The following GBE1 variants were observed in gnomAD, a reference collection of about 807,000 sequenced individuals.
GBE1 encodes 1,4-alpha-glucan branching enzyme 1.
GBE1 carries 70 observed loss-of-function variants against 88.8 expected under a neutral mutation model. The observed-to-expected ratio is 0.79, with a 90% CI of 0.65 to 0.96. The LOEUF is 0.96. Among genes scored for constraint, GBE1 ranks in the 40% least tolerant of loss-of-function variants. The pLI, the probability that GBE1 is intolerant of heterozygous loss-of-function variation, is 0.00. For synonymous variants in GBE1, 284 were observed against 300.1 expected, an observed-to-expected ratio of 0.95 and a Z score of 0.56; for missense variants, 872 against 871.0, an observed-to-expected ratio of 1.00 and a Z score of -0.01.
intron 1 of GBE1, among the ~76,000 whole-genome samples, chr3:81,729,699 A>G (rs1706160098): frequency 1.3e-5 from 2 of 152,178 alleles, no homozygotes. Context: ...ACTGATGGTC[A>G]ATTCAGTGGA....
At position 81,761,644 on chromosome 3, in the gene GBE1, C is replaced by A. The variant is rs566867997; in HGVS notation, c.-127G>T. 1.7e-6 allele frequency: 2 copies of A among 1,197,664 alleles called. No individual in the cohort carries two copies. Among genetic ancestry groups the A allele is most frequent in the East Asian group, 2.7e-5 (1 of 36,930 alleles). 74.2% of individuals were successfully genotyped at this position (1,197,664 alleles called of 1,614,324 possible). On this transcript the variant is annotated 5_prime_UTR_variant, in exon 1 of 16. Coordinates refer to ENST00000429644, the MANE Select transcript of GBE1 (RefSeq NM_000158.4). ...GGCGCCTAGGCGTGTCGAGGCAAGCCGAGGCGAGCCGCGGCGGTCCGGGGC... is the reference window on the plus strand; with the variant it reads ...GGCGCCTAGGCGTGTCGAGGCAAGCAGAGGCGAGCCGCGGCGGTCCGGGGC...
intron 2 of GBE1, among the ~76,000 whole-genome samples, chr3:81,692,184 C>T (rs939605613): frequency 2.6e-5 from 4 of 152,130 alleles, no homozygotes; most frequent in Admixed American, 1.3e-4. Flanking sequence ...TCTATATTCA[C>T]CATATTTTTA....
intron 2 of GBE1, among the ~76,000 whole-genome samples, chr3:81,675,062 T>C (rs1705234108): frequency 6.6e-6 from 1 of 152,008 alleles, no homozygotes; most frequent in Non-Finnish European, 1.5e-5. Flanking sequence ...TGGTGAGGCC[T>C]AATAATTTGC....
chr3:81,657,790 A>G (rs1399494773), intron 3 of GBE1, among the ~76,000 whole-genome samples: 1 of 152,134 alleles, frequency 6.6e-6, no homozygotes, highest in Non-Finnish European at 1.5e-5. Context: ...CTCATAATTT[A>G]GTTCATAGTT....
intron 2 of GBE1, among the ~76,000 whole-genome samples, chr3:81,671,375 A>G (rs534570116): frequency 2.0e-5 from 3 of 152,196 alleles, no homozygotes; most frequent in Non-Finnish European, 4.4e-5. Flanking sequence ...ACTGAATTTC[A>G]TAAGAGTGTG....
At chr3:81,524,358 T>C (rs1412020172) in intron 14 of GBE1, among the ~76,000 whole-genome samples, 1 of 151,850 alleles carries the variant, frequency 6.6e-6, no homozygotes, top group Non-Finnish European at 1.5e-5. Context: ...TTTCCTATTG[T>C]TTGAGCTCCT....
intron 2 of GBE1, among the ~76,000 whole-genome samples, chr3:81,696,061 A>G (rs1174079276): frequency 6.6e-6 from 1 of 152,226 alleles, no homozygotes; most frequent in Admixed American, 6.5e-5. Context: ...ATTCAAGCTT[A>G]AAAGTACCTC....
At chr3:81,615,117 T>C (rs1052375352) in intron 7 of GBE1, among the ~76,000 whole-genome samples, 15 of 152,238 alleles carry the variant, frequency 9.9e-5, no homozygotes, top group African/African-American at 3.4e-4. Flanking sequence ...TGAAGACTAC[T>C]GCCAAATGCC....
chr3:81,596,734 C>T (rs1703961633), intron 7 of GBE1, among the ~76,000 whole-genome samples: 1 of 151,888 alleles, frequency 6.6e-6, no homozygotes, highest in African/African-American at 2.4e-5. Flanking sequence ...CTCAAATATA[C>T]ATTAAAGATC....
At chr3:81,729,083 C>T (rs1474462224) in intron 1 of GBE1, among the ~76,000 whole-genome samples, 22 of 152,108 alleles carry the variant, frequency 1.4e-4, no homozygotes, top group Admixed American at 1.4e-3. Context: ...ATTTAAACTG[C>T]CTGTTTGGAA....
intron 11 of GBE1, among the ~76,000 whole-genome samples, chr3:81,580,382 C>T (rs889341650): frequency 6.6e-6 from 1 of 152,052 alleles, no homozygotes; most frequent in African/African-American, 2.4e-5. Context: ...ACTAATTTTT[C>T]CCTACATGAC....
chr3:81,552,321 C>G (rs1703281851), intron 12 of GBE1, among the ~76,000 whole-genome samples: 1 of 152,058 alleles, frequency 6.6e-6, no homozygotes, highest in Non-Finnish European at 1.5e-5. Context: ...AACTCAAGAC[C>G]AGCCTGGCCA....
chr3:81,534,698 G>T (rs1328731775), intron 14 of GBE1: 1 of 152,088 alleles, frequency 6.6e-6, no homozygotes, highest in Non-Finnish European at 1.5e-5. Flanking sequence ...AGTCTCAGAG[G>T]TAACTTACAA....
chr3:81,515,588 G>A lies in GBE1; in HGVS notation c.1935-16361C>T, dbSNP rs548489412. On this transcript the variant is annotated intron_variant, in intron 14 of 15. Transcript: ENST00000429644. The stretch of plus-strand genomic sequence containing the variant: ...AGGAGTTCAAATGAAAAGAAGAGGG[G>A]CATGTCTCTCACTTTAAATCAAAAA... 5.9e-5 allele frequency among the ~76,000 whole-genome samples: 9 copies of A among 151,618 alleles called. No homozygotes were observed. The South Asian group carries it at 1.9e-3, about 31-fold the overall frequency.
At chr3:81,675,836 T>C (rs1398217362) in intron 2 of GBE1, among the ~76,000 whole-genome samples, 1 of 152,114 alleles carries the variant, frequency 6.6e-6, no homozygotes, top group Admixed American at 6.6e-5. Context: ...CTAAAACATT[T>C]GATGTTTATC....
chr3:81,649,708 G>T, intron 4 of GBE1, 88 bp downstream of exon 4: 1 of 1,065,658 alleles, frequency 9.4e-7, no homozygotes, highest in Non-Finnish European at 1.3e-6. Flanking sequence ...GATAAGCATT[G>T]AACATTACTA....
intron 7 of GBE1, among the ~76,000 whole-genome samples, chr3:81,627,319 C>G (rs1704431476): frequency 6.6e-6 from 1 of 152,128 alleles, no homozygotes; most frequent in Non-Finnish European, 1.5e-5. Flanking sequence ...TTAAATGTGT[C>G]AAGCACCATT....
intron 1 of GBE1, among the ~76,000 whole-genome samples, chr3:81,749,395 C>T (rs776991157): frequency 6.6e-5 from 10 of 152,094 alleles, no homozygotes; most frequent in African/African-American, 1.9e-4. Flanking sequence ...AGAACACTCC[C>T]CAAATGAAAA....
intron 1 of GBE1, among the ~76,000 whole-genome samples, chr3:81,737,169 A>G (rs1160875998): frequency 6.6e-6 from 1 of 150,754 alleles, no homozygotes; most frequent in African/African-American, 2.4e-5. Flanking sequence ...GAGAGATGGT[A>G]ATCTCCACGT....
Sources: gnomAD v4.1 joint callset for allele counts (sites outside exome capture counted in the v4.1 genomes callset) on GRCh38, gnomAD v4.1.1 for gene constraint, MANE v1.5 for transcripts, NCBI Gene and HGNC (gene_info 2026-07-23, HGNC 2026-07-21) for gene names.